The following CDH8 variants were observed in gnomAD, a reference collection of about 807,000 sequenced individuals.
CDH8 encodes the protein cadherin-8.
In CDH8, 17 loss-of-function variants were observed where a neutral mutation model predicts 68.1. The ratio of observed to expected loss-of-function variants is 0.25; its 90% CI spans 0.17 to 0.37. The LOEUF (loss-of-function observed/expected upper bound fraction) is 0.37. CDH8 is among the 10% of genes least tolerant of loss of function. The pLI is 1.00. For missense variants in CDH8, 763 were observed against 999.3 expected (o/e 0.76, Z 3.19); for synonymous variants, 372 against 365.1 (o/e 1.02, Z -0.21).
intron 10 of CDH8, among the ~76,000 whole-genome samples, chr16:61,655,983 C>T (rs1278900490): frequency 6.6e-6 from 1 of 151,970 alleles, no homozygotes; most frequent in East Asian, 1.9e-4. Context: ...CGCCATTCTC[C>T]TGCCTCAGCC....
Position 61,807,132 on chromosome 16 carries a change from C to T in CDH8, c.1277+10347G>A, listed in dbSNP as rs1961803845. Reference sequence around the variant, plus strand: ...TGTGGCACATATACACCATGGAATACTATGCAGCCATAAAAAATGATGAGT... The same window carrying T: ...TGTGGCACATATACACCATGGAATATTATGCAGCCATAAAAAATGATGAGT... On this transcript the variant is annotated intron_variant, in intron 7 of 11. Transcript: ENST00000577390. 2.0e-5 allele frequency among the ~76,000 whole-genome samples: 3 copies of T among 149,502 alleles called. 1 individual carries two copies. The South Asian group carries it at 6.5e-4, about 32-fold the overall frequency.
chr16:62,022,902 G>A (rs188062137), intron 1 of CDH8, among the ~76,000 whole-genome samples: 81 of 152,146 alleles, frequency 5.3e-4, no homozygotes, highest in African/African-American at 1.9e-3. Flanking sequence ...CTCAATCACC[G>A]GGACTCTATA....
intron 3 of CDH8, among the ~76,000 whole-genome samples, chr16:61,860,755 C>CTTCTAGTGGG (rs1166004181): frequency 1.3e-5 from 2 of 152,136 alleles, no homozygotes; most frequent in Non-Finnish European, 2.9e-5. Context: ...TCAAAACTTC[C>CTTCTAGTGGG]TGTCATTACC....
intron 2 of CDH8, among the ~76,000 whole-genome samples, chr16:62,002,289 C>T (rs560301374): frequency 6.6e-6 from 1 of 151,918 alleles, no homozygotes; most frequent in East Asian, 1.9e-4. Flanking sequence ...ACTACTTTAC[C>T]CGAGAAACTT....
intron 10 of CDH8, among the ~76,000 whole-genome samples, chr16:61,666,200 G>GTT (rs1963674073): frequency 6.7e-6 from 1 of 149,368 alleles, no homozygotes; most frequent in African/African-American, 2.5e-5. Context: ...GTGTGTGTGT[G>GTT]TGTGTGTATA....
rs1481450847 is a variant in CDH8, at chr16:61,817,577, T to A, written c.1179A>T (p.Ser393=). 1 of 1,614,000 alleles carries A rather than the reference T, an allele frequency of 6.2e-7. No individual in the cohort carries two copies. The highest frequency in any genetic ancestry group is 1.7e-5 in the Admixed American group (1 of 59,986). ...CATGAACTTCAAGTAGGTAAGTCGG[T>A]GAAGAGAAGACCGGAGGCTCATCAG... is the stretch of plus-strand genomic sequence containing the variant. ...EDADEPPVFS[S]PTYLLEVHEN... The change falls in exon 7 of 12, where the codon TCA becomes TCT. Residue 393 remains serine (S), a synonymous_variant. Coordinates refer to ENST00000577390, the MANE Select transcript of CDH8 (RefSeq NM_001796.5).
intron 2 of CDH8, among the ~76,000 whole-genome samples, chr16:61,963,875 C>T (rs1490202155): frequency 6.6e-6 from 1 of 152,212 alleles, no homozygotes; most frequent in Non-Finnish European, 1.5e-5. Context: ...CAAACCCTTT[C>T]TATCTTGCTT....
intron 8 of CDH8, among the ~76,000 whole-genome samples, chr16:61,751,286 G>A (rs1026939378): frequency 2.8e-5 from 4 of 145,084 alleles, no homozygotes; most frequent in East Asian, 2.1e-4. Context: ...CATAGACACC[G>A]TGAAAGTGGA....
intron 2 of CDH8, among the ~76,000 whole-genome samples, chr16:61,983,370 A>G (rs1965570891): frequency 6.6e-6 from 1 of 152,208 alleles, no homozygotes; most frequent in South Asian, 2.1e-4. Context: ...TTGTTTTTGT[A>G]ACATTATAAA....
intron 2 of CDH8, among the ~76,000 whole-genome samples, chr16:61,967,045 A>G (rs970759520): frequency 1.8e-4 from 27 of 152,110 alleles, no homozygotes; most frequent in African/African-American, 6.5e-4. Flanking sequence ...CTCTAGAAGA[A>G]AAAAAAATAG....
chr16:61,702,415 A>T (rs1964449725), intron 10 of CDH8, among the ~76,000 whole-genome samples: 1 of 152,080 alleles, frequency 6.6e-6, no homozygotes, highest in South Asian at 2.1e-4. Context: ...TAAGTCAGTC[A>T]TACTTTATTT....
chr16:61,966,470 G>A (rs145041491), intron 2 of CDH8, among the ~76,000 whole-genome samples: 3,158 of 152,036 alleles, frequency 0.021, 85 homozygotes, highest in African/African-American at 0.065. Flanking sequence ...CCTGGGAGGC[G>A]GAGGTTGCAG....
At chr16:61,787,692 A>G (rs1314667973) in intron 8 of CDH8, among the ~76,000 whole-genome samples, 1 of 148,214 alleles carries the variant, frequency 6.7e-6, no homozygotes, top group Non-Finnish European at 1.5e-5. Flanking sequence ...GAACCAACCC[A>G]AATGTCCAAC....
At chr16:61,820,712 G>A (rs982015356) in intron 6 of CDH8, among the ~76,000 whole-genome samples, 2 of 151,874 alleles carry the variant, frequency 1.3e-5, no homozygotes, top group Admixed American at 6.6e-5. Context: ...GCACTATTAT[G>A]GTAGCTGTTT....
intron 8 of CDH8, among the ~76,000 whole-genome samples, chr16:61,787,821 C>T (rs958094933): frequency 7.2e-6 from 1 of 138,836 alleles, no homozygotes; most frequent in African/African-American, 2.6e-5. Flanking sequence ...AATCATCATT[C>T]TCAGTAAACT....
At chr16:61,694,878 T>A (rs550055240) in intron 10 of CDH8, among the ~76,000 whole-genome samples, 1 of 152,040 alleles carries the variant, frequency 6.6e-6, no homozygotes, top group Non-Finnish European at 1.5e-5. Context: ...ACCTCCTGGG[T>A]TCACGTGATT....
intron 8 of CDH8, among the ~76,000 whole-genome samples, chr16:61,744,280 C>T (rs1959957307): frequency 6.6e-6 from 1 of 152,096 alleles, no homozygotes; most frequent in Non-Finnish European, 1.5e-5. Context: ...TTGGCAAATA[C>T]ATTATAAGGT....
intron 7 of CDH8, among the ~76,000 whole-genome samples, chr16:61,795,593 G>A (rs1343055165): frequency 1.3e-5 from 2 of 152,068 alleles, no homozygotes; most frequent in East Asian, 3.9e-4. Context: ...TAAATGATGA[G>A]CCAATTCCTC....
chr16:61,796,387 T>G (rs1406661550), intron 7 of CDH8, among the ~76,000 whole-genome samples: 1 of 152,086 alleles, frequency 6.6e-6, no homozygotes, highest in Non-Finnish European at 1.5e-5. Flanking sequence ...AGAGCTAGTT[T>G]TGAGAAGAAT....
Sources: gnomAD v4.1 joint callset for allele counts (sites outside exome capture counted in the v4.1 genomes callset) on GRCh38, gnomAD v4.1.1 for gene constraint, MANE v1.5 for transcripts, NCBI Gene and HGNC (gene_info 2026-07-23, HGNC 2026-07-21) for gene names.